The following KCNA10 variants were observed in gnomAD, a reference collection of about 807,000 sequenced individuals.
KCNA10 encodes the protein cyclic GMP gated potassium channel.
A neutral mutation model predicts 21.4 loss-of-function variants in KCNA10; 16 were observed. The observed-to-expected ratio is 0.75, with a 90% confidence interval of 0.51 to 1.14. The LOEUF (loss-of-function observed/expected upper bound fraction) is 1.14, where lower values mean the gene tolerates loss of function less well. Among genes scored for constraint, KCNA10 ranks in the 50% most tolerant of loss-of-function variants. KCNA10 has a pLI of 0.00. For missense variants in KCNA10, 677 were observed against 649.1 expected (o/e 1.04, Z -0.47); for synonymous variants, 276 against 245.9 (o/e 1.12, Z -1.15).
In KCNA10 at chr1:110,519,023, A is replaced by G; in HGVS notation, c.-236T>C. 1 of 410,566 alleles carries G rather than the reference A, an allele frequency of 2.4e-6. No homozygotes were observed. Among genetic ancestry groups the G allele is most frequent in the Admixed American group, 4.0e-5 (1 of 25,098 alleles). The allele number at this position is 410,566 out of a possible 1,614,324, so 25.4% of individuals were successfully genotyped here. On this transcript the variant is annotated 5_prime_UTR_variant, in exon 1 of 1. It removes an upstream start codon present in the reference 5' UTR. Coordinates refer to ENST00000369771, the MANE Select transcript of KCNA10 (RefSeq NM_005549.2). Reference sequence around the variant, plus strand: ...AATCATTTTGTACCCCTGAGTTTGCATAAACTAATAACTAGGAGAAATTGC... The same window carrying G: ...AATCATTTTGTACCCCTGAGTTTGCGTAAACTAATAACTAGGAGAAATTGC...
chr1:110,518,369 C>G lies in KCNA10; in HGVS notation c.419G>C (p.Gly140Ala). 1 of 1,614,200 alleles carries G rather than the reference C, an allele frequency of 6.2e-7. No homozygotes were observed. Among genetic ancestry groups the G allele is most frequent in the Admixed American group, 1.7e-5 (1 of 60,030 alleles). Reference sequence around the variant, plus strand: ...ACCAGATTGGTAATAATATAGGATTCCATCAAAACTGGGCCGGTTCCGATC... The same window carrying G: ...ACCAGATTGGTAATAATATAGGATTGCATCAAAACTGGGCCGGTTCCGATC... Reference protein sequence around the residue: ...FFDRNRPSFDGILYYYQSGGK... With the variant: ...FFDRNRPSFDAILYYYQSGGK... Residue 140 changes from glycine (G) to alanine (A), a missense_variant, in exon 1 of 1, where the codon GGA becomes GCA. Physicochemically the swap from Gly to Ala is moderately conservative, Grantham distance 60. Transcript: ENST00000369771.
rs1647273576 is a variant in KCNA10 at position 110,518,095 on chromosome 1, G to T, written c.693C>A (p.Thr231=). The T allele has an allele frequency of 1.2e-6, 2 of 1,613,636 alleles. No individual in the cohort carries two copies. The highest frequency in any genetic ancestry group is 1.1e-5 in the South Asian group (1 of 90,988). The change falls in exon 1 of 1, where the codon ACC becomes ACA. Residue 231 remains threonine (T), a synonymous_variant. Transcript: ENST00000369771. ...VSVLVVVISI[T]IFCLETLPEF... is the part of the protein sequence containing the mutation. ...CTGGCAGTGTCTCCAGGCAGAAGATGGTGATGGAGATGACCACAACCAACA... is the reference window on the plus strand; with the variant it reads ...CTGGCAGTGTCTCCAGGCAGAAGATTGTGATGGAGATGACCACAACCAACA...
Position 110,518,456 on chromosome 1 carries a change from A to C in KCNA10, c.332T>G (p.Leu111Arg). 6.2e-7 allele frequency: 1 copy of C among 1,614,184 alleles called. No homozygotes were observed. Among genetic ancestry groups the C allele is most frequent in the Non-Finnish European group, 8.5e-7 (1 of 1,179,996 alleles). ...LRTLSQFPET[L>R]LGDREKRMQF... ...CATCCTTTTTTCCCGGTCTCCCAGG[A>C]GAGTCTCTGGGAACTGACTAAGGGT... Residue 111 changes from leucine to arginine, a missense_variant, in exon 1 of 1, where the codon CTC (leucine) becomes CGC (arginine). Physicochemically the swap from Leu to Arg is moderately radical, Grantham distance 102. Transcript: ENST00000369771.
In KCNA10 at chr1:110,518,421, C is replaced by G; in HGVS notation, c.367G>C (p.Asp123His). The G allele has an allele frequency of 6.2e-7, 1 of 1,614,158 alleles. No homozygotes were observed. Among genetic ancestry groups the G allele is most frequent in the Non-Finnish European group, 8.5e-7 (1 of 1,180,024 alleles). The change falls in exon 1 of 1, where the codon GAC becomes CAC. Residue 123 changes from aspartate (D) to histidine (H), a missense_variant. By Grantham distance (81) the Asp-to-His change is moderately conservative. Coordinates refer to ENST00000369771, the MANE Select transcript of KCNA10 (RefSeq NM_005549.2). ...GDREKRMQFFDSMRNEYFFDR... is the reference protein window; with the variant it reads ...GDREKRMQFFHSMRNEYFFDR... Reference sequence around the variant, plus strand: ...AAGAAATACTCATTTCTCATGGAGTCAAAGAACTGCATCCTTTTTTCCCGG... The same window carrying G: ...AAGAAATACTCATTTCTCATGGAGTGAAAGAACTGCATCCTTTTTTCCCGG...
In KCNA10 at chr1:110,517,391, C is replaced by T. The variant is rs148102817; in HGVS notation, c.1397G>A (p.Arg466Gln). The T allele has an allele frequency of 1.9e-4, 308 of 1,614,134 alleles. 2 individuals carry two copies. In the Middle Eastern group the frequency reaches 2.0e-3, roughly 10 times the overall value. The change falls in exon 1 of 1, where the codon CGG becomes CAG. Residue 466 changes from arginine to glutamine, a missense_variant. By Grantham distance (43) the Arg-to-Gln change is conservative (BLOSUM62 1). Transcript: ENST00000369771. ...CTGCTTTTCTTCATTCTCAGTCTCC[C>T]GGTGGTAGAAGTAATTGAAGTTGGA... ...IVSNFNYFYHRETENEEKQNI... is the reference protein window; with the variant it reads ...IVSNFNYFYHQETENEEKQNI...
rs1647258856 is a variant in KCNA10 at position 110,517,708 on chromosome 1, C to A, written c.1080G>T (p.Gly360=). 1 of 1,614,028 alleles carries A rather than the reference C, an allele frequency of 6.2e-7. No individual in the cohort carries two copies. Among genetic ancestry groups the A allele is most frequent in the African/African-American group, 1.3e-5 (1 of 74,914 alleles). Residue 360 remains glycine (G), a synonymous_variant, in exon 1 of 1, where the codon GGG becomes GGT. Transcript: ENST00000369771. The part of the protein sequence containing the change: ...RIFKLSRHSK[G]LQILGQTLKA... ...TCAGTGTTTGCCCGAGGATCTGCAGCCCCTTGGAGTGGCGCGAGAGCTTGA... is the reference window on the plus strand; with the variant it reads ...TCAGTGTTTGCCCGAGGATCTGCAGACCCTTGGAGTGGCGCGAGAGCTTGA...
rs1329163991 is a variant in KCNA10, at chr1:110,518,029, G to C, written c.759C>G (p.Pro253=). ...GGACTGTCTTGCTCATGTTGAGATT[G>C]GGGTCTCTGACCACCTTTAGCTCCC... ...EDRELKVVRD[P]NLNMSKTVLS... The change falls in exon 1 of 1, where the codon CCC becomes CCG. Residue 253 remains proline (P), a synonymous_variant. Coordinates refer to ENST00000369771, the MANE Select transcript of KCNA10 (RefSeq NM_005549.2). The C allele has an allele frequency of 1.2e-6, 2 of 1,613,766 alleles. No individual in the cohort carries two copies. Among genetic ancestry groups the C allele is most frequent in the Admixed American group, 3.3e-5 (2 of 59,976 alleles).
At position 110,517,384 on chromosome 1, in the gene KCNA10, A is replaced by G. The variant is rs1360958198; in HGVS notation, c.1404T>C (p.Thr468=). 1 of 1,614,130 alleles carries G rather than the reference A, an allele frequency of 6.2e-7. No homozygotes were observed. The highest frequency in any genetic ancestry group is 1.1e-5 in the South Asian group (1 of 91,078). The part of the protein sequence containing the change: ...SNFNYFYHRE[T]ENEEKQNIPG... Reference sequence around the variant, plus strand: ...GGATGTTCTGCTTTTCTTCATTCTCAGTCTCCCGGTGGTAGAAGTAATTGA... The same window carrying G: ...GGATGTTCTGCTTTTCTTCATTCTCGGTCTCCCGGTGGTAGAAGTAATTGA... The change falls in exon 1 of 1, where the codon ACT becomes ACC. Residue 468 remains threonine (T), a synonymous_variant. Transcript: ENST00000369771.
At position 110,518,316 on chromosome 1, in the gene KCNA10, G is replaced by C; in HGVS notation, c.472C>G (p.Pro158Ala). 6.2e-7 allele frequency: 1 copy of C among 1,614,176 alleles called. No individual in the cohort carries two copies. The highest frequency in any genetic ancestry group is 8.5e-7 in the Non-Finnish European group (1 of 1,180,022). Residue 158 changes from proline (P) to alanine (A), a missense_variant, in exon 1 of 1, where the codon CCC becomes GCC. Transcript: ENST00000369771. ...ATTTCATCAGCAAAGATATCAATGG[G>C]AACATTGGCTGGGCGCCGAATTTTC... ...GGKIRRPANV[P>A]IDIFADEISF...
In KCNA10 at chr1:110,517,989, A is replaced by C; in HGVS notation, c.799T>G (p.Phe267Val). Residue 267 changes from phenylalanine (F) to valine (V), a missense_variant, in exon 1 of 1, where the codon TTC (phenylalanine) becomes GTC (valine). Coordinates refer to ENST00000369771, the MANE Select transcript of KCNA10 (RefSeq NM_005549.2). The part of the protein sequence containing the change: ...MSKTVLSQTM[F>V]TDPFFMVEST... Reference sequence around the variant, plus strand: ...TCCACCATGAAGAAAGGGTCGGTGAACATGGTCTGGGAGAGGACTGTCTTG... The same window carrying C: ...TCCACCATGAAGAAAGGGTCGGTGACCATGGTCTGGGAGAGGACTGTCTTG... The C allele has an allele frequency of 6.2e-7, 1 of 1,613,996 alleles. No individual in the cohort carries two copies. Among genetic ancestry groups the C allele is most frequent in the Non-Finnish European group, 8.5e-7 (1 of 1,180,016 alleles).
Position 110,518,460 on chromosome 1 carries a change from T to C in KCNA10, c.328A>G (p.Thr110Ala). ...QLRTLSQFPE[T>A]LLGDREKRMQ... ...CTTTTTTCCCGGTCTCCCAGGAGAGTCTCTGGGAACTGACTAAGGGTTCTG... is the reference window on the plus strand; with the variant it reads ...CTTTTTTCCCGGTCTCCCAGGAGAGCCTCTGGGAACTGACTAAGGGTTCTG... Residue 110 changes from threonine to alanine, a missense_variant, in exon 1 of 1, where the codon ACT becomes GCT. Thr to Ala is a moderately conservative substitution (Grantham distance 58). Coordinates refer to ENST00000369771, the MANE Select transcript of KCNA10 (RefSeq NM_005549.2). 1 of 1,613,766 alleles carries C rather than the reference T, an allele frequency of 6.2e-7. No individual in the cohort carries two copies. Among genetic ancestry groups the C allele is most frequent in the Non-Finnish European group, 8.5e-7 (1 of 1,179,924 alleles).
Position 110,518,492 on chromosome 1 carries a change from G to T in KCNA10, c.296C>A (p.Thr99Asn). 1 of 1,614,190 alleles carries T rather than the reference G, an allele frequency of 6.2e-7. No homozygotes were observed. Among genetic ancestry groups the T allele is most frequent in the Non-Finnish European group, 8.5e-7 (1 of 1,180,034 alleles). ...GAACTGACTAAGGGTTCTGAGCTGGGTCTCAAATCTCAGCCCAGCAATGTT... is the reference window on the plus strand; with the variant it reads ...GAACTGACTAAGGGTTCTGAGCTGGTTCTCAAATCTCAGCCCAGCAATGTT... ...IINIAGLRFE[T>N]QLRTLSQFPE... Residue 99 changes from threonine to asparagine, a missense_variant, in exon 1 of 1, where the codon ACC becomes AAC. By Grantham distance (65) the Thr-to-Asn change is moderately conservative. Coordinates refer to ENST00000369771, the MANE Select transcript of KCNA10 (RefSeq NM_005549.2).
At position 110,517,378 on chromosome 1, in the gene KCNA10, A is replaced by G. The variant is rs1647238320; in HGVS notation, c.1410T>C (p.Asn470=). 6.2e-7 allele frequency: 1 copy of G among 1,613,994 alleles called. No individual in the cohort carries two copies. The highest frequency in any genetic ancestry group is 1.3e-5 in the African/African-American group (1 of 74,886). ...FNYFYHRETE[N]EEKQNIPGEI... ...CTCCTGGGATGTTCTGCTTTTCTTC[A>G]TTCTCAGTCTCCCGGTGGTAGAAGT... The change falls in exon 1 of 1, where the codon AAT becomes AAC. Residue 470 remains asparagine (N), a synonymous_variant. Coordinates refer to ENST00000369771, the MANE Select transcript of KCNA10 (RefSeq NM_005549.2).
rs1338521949 is a variant in KCNA10 at position 110,517,584 on chromosome 1, C to G, written c.1204G>C (p.Glu402Gln). The change falls in exon 1 of 1, where the codon GAG (glutamate) becomes CAG (glutamine). Residue 402 changes from glutamate (E) to glutamine (Q), a missense_variant. Transcript: ENST00000369771. ...TCAGGAATGCTAGAGAAATGGGACT[C>G]TGGCTCATCCACCTCAGCAAAGTAG... ...AVYFAEVDEP[E>Q]SHFSSIPDGF... is the part of the protein sequence containing the mutation. 8.1e-6 allele frequency: 13 copies of G among 1,614,076 alleles called. No homozygotes were observed. The highest frequency in any genetic ancestry group is 1.3e-5 in the African/African-American group (1 of 74,922).
Position 110,518,188 on chromosome 1 carries a change from A to G in KCNA10, c.600T>C (p.Arg200=). The change falls in exon 1 of 1, where the codon CGT becomes CGC. Residue 200 remains arginine (R), a synonymous_variant. Transcript: ENST00000369771. The part of the protein sequence containing the change: ...ETLLPTNDIH[R]QFWLLFEYPE... The stretch of plus-strand genomic sequence containing the variant: ...GGTACTCAAAGAGGAGCCAGAACTG[A>G]CGGTGGATGTCATTGGTGGGTAGCA... The G allele has an allele frequency of 1.9e-6, 3 of 1,613,528 alleles. No individual in the cohort carries two copies. The East Asian group carries it at 6.7e-5, about 36-fold the overall frequency.
chr1:110,518,731 T>C lies in KCNA10; in HGVS notation c.57A>G (p.Ser19=), dbSNP rs1207235604. 1 of 1,610,196 alleles carries C rather than the reference T, an allele frequency of 6.2e-7. No homozygotes were observed. Among genetic ancestry groups the C allele is most frequent in the Non-Finnish European group, 8.5e-7 (1 of 1,177,472 alleles). ...MEVALVNFDN[S]DEIQEEPGYA... ...AGCCTGGCTCTTCTTGGATTTCATC[T>C]GAATTATCAAAATTGACCAGCGCAA... The change falls in exon 1 of 1, where the codon TCA becomes TCG. Residue 19 remains serine, a synonymous_variant. Transcript: ENST00000369771.
rs780874040 is a variant in KCNA10, at chr1:110,518,094, T to C, written c.694A>G (p.Ile232Val). Residue 232 changes from isoleucine (I) to valine (V), a missense_variant, in exon 1 of 1, where the codon ATC becomes GTC. Transcript: ENST00000369771. ...SVLVVVISIT[I>V]FCLETLPEFR... The stretch of plus-strand genomic sequence containing the variant: ...TCTGGCAGTGTCTCCAGGCAGAAGA[T>C]GGTGATGGAGATGACCACAACCAAC... 9.3e-6 allele frequency: 15 copies of C among 1,613,066 alleles called. No individual in the cohort carries two copies. The East Asian group carries it at 3.3e-4, about 36-fold the overall frequency.
In KCNA10 at chr1:110,517,994, G is replaced by C. The variant is rs766361860; in HGVS notation, c.794C>G (p.Thr265Ser). The change falls in exon 1 of 1, where the codon ACC becomes AGC. Residue 265 changes from threonine to serine, a missense_variant. Transcript: ENST00000369771. Reference sequence around the variant, plus strand: ...CATGAAGAAAGGGTCGGTGAACATGGTCTGGGAGAGGACTGTCTTGCTCAT... The same window carrying C: ...CATGAAGAAAGGGTCGGTGAACATGCTCTGGGAGAGGACTGTCTTGCTCAT... ...LNMSKTVLSQ[T>S]MFTDPFFMVE... 1 of 1,613,986 alleles carries C rather than the reference G, an allele frequency of 6.2e-7. No homozygotes were observed. The highest frequency in any genetic ancestry group is 1.1e-5 in the South Asian group (1 of 91,058).
At position 110,517,485 on chromosome 1, in the gene KCNA10, T is replaced by TC. The variant is rs1256559277; in HGVS notation, c.1302dup (p.Lys435GlufsTer35). ...ATGGCACACAGAGTGCCCACAATCT[T>TC]CCCCCCTGGGGTGGTCGGGCACATG... On this transcript the variant is annotated frameshift_variant, in exon 1 of 1. Transcript: ENST00000369771. LOFTEE classifies it high-confidence loss of function. 2.5e-6 allele frequency: 4 copies of TC among 1,613,782 alleles called. No homozygotes were observed. The highest frequency in any genetic ancestry group is 3.3e-5 in the Admixed American group (2 of 59,958).
Sources: allele counts gnomAD v4.1 joint callset, GRCh38; gene constraint gnomAD v4.1.1; transcripts MANE v1.5; gene names NCBI Gene and HGNC (gene_info 2026-07-23, HGNC 2026-07-21).